Variants in PTPRG observed in about 807,000 individuals in gnomAD.
PTPRG encodes the protein protein tyrosine phosphatase receptor type G.
Under a neutral mutation model 165.3 loss-of-function variants are expected in PTPRG, and 102 were observed. The observed-to-expected ratio is 0.62, with a 90% confidence interval of 0.53 to 0.73. The LOEUF is 0.73. PTPRG is among the 30% of genes least tolerant of loss of function. PTPRG has a pLI of 0.00. For synonymous variants in PTPRG, 675 were observed against 669.5 expected (o/e 1.01, Z -0.13); for missense variants, 1,866 against 1,861.4 (o/e 1.00, Z -0.05).
At chr3:61,593,370 C>T (rs1700621003) in intron 1 of PTPRG, among the ~76,000 whole-genome samples, 1 of 147,966 alleles carries the variant, frequency 6.8e-6, no homozygotes. Context: ...TCAGCATTTC[C>T]TTTGTTAGCT....
At chr3:61,630,485 C>G (rs1007298747) in intron 1 of PTPRG, among the ~76,000 whole-genome samples, 3 of 151,930 alleles carry the variant, frequency 2.0e-5, no homozygotes, top group African/African-American at 7.3e-5. Context: ...GACTTTTTTC[C>G]CAAGTAAAAG....
chr3:61,910,101 C>G (rs189378239), intron 2 of PTPRG, among the ~76,000 whole-genome samples: 6 of 152,164 alleles, frequency 3.9e-5, no homozygotes, highest in African/African-American at 1.4e-4. Context: ...TCTCATTATG[C>G]TGTTATGCAT....
At chr3:62,263,677 C>G (rs1360069769) in intron 17 of PTPRG, 3 of 152,202 alleles carry the variant, frequency 2.0e-5, no homozygotes, top group East Asian at 1.9e-4. Flanking sequence ...ATAATGTTTT[C>G]TTAAAGTTTT....
At chr3:61,570,108 G>A (rs1700022597) in intron 1 of PTPRG, among the ~76,000 whole-genome samples, 1 of 152,180 alleles carries the variant, frequency 6.6e-6, no homozygotes, top group Non-Finnish European at 1.5e-5. Flanking sequence ...CTGATGGGAA[G>A]CAAACAGTAG....
At chr3:62,057,853 A>G (rs1700683147) in intron 4 of PTPRG, among the ~76,000 whole-genome samples, 1 of 152,242 alleles carries the variant, frequency 6.6e-6, no homozygotes, top group African/African-American at 2.4e-5. Context: ...GTGCTCCCAG[A>G]CTGGGAACAA....
intron 2 of PTPRG, among the ~76,000 whole-genome samples, chr3:61,986,427 C>T (rs999655404): frequency 5.3e-5 from 8 of 152,180 alleles, no homozygotes; most frequent in African/African-American, 1.9e-4. Flanking sequence ...CACGAAGGGA[C>T]GTTTACCCTG....
At chr3:61,676,770 C>T (rs773300574) in intron 1 of PTPRG, among the ~76,000 whole-genome samples, 1 of 152,052 alleles carries the variant, frequency 6.6e-6, no homozygotes, top group Non-Finnish European at 1.5e-5. Flanking sequence ...ATAGGCCTTC[C>T]TCTCATCAGG....
At chr3:61,903,642 G>C (rs1164324010) in intron 2 of PTPRG, among the ~76,000 whole-genome samples, 1 of 152,176 alleles carries the variant, frequency 6.6e-6, no homozygotes, top group Non-Finnish European at 1.5e-5. Flanking sequence ...CCAAAGTGCT[G>C]GGGTTAATTG....
intron 4 of PTPRG, among the ~76,000 whole-genome samples, chr3:62,004,953 AGCTCCTCAG>A (rs1478675685): frequency 4.6e-5 from 7 of 152,148 alleles, no homozygotes; most frequent in African/African-American, 1.4e-4. Flanking sequence ...CATTCTCCCT[AGCTCCTCAG>A]GCCCATTTTT....
At chr3:62,170,504 C>A (rs2106742296) in intron 8 of PTPRG, among the ~76,000 whole-genome samples, 1 of 152,120 alleles carries the variant, frequency 6.6e-6, no homozygotes, top group African/African-American at 2.4e-5. Flanking sequence ...AAATGCATGG[C>A]CTTTATTATC....
At chr3:61,679,144 G>C (rs1703338687) in intron 1 of PTPRG, among the ~76,000 whole-genome samples, 1 of 152,182 alleles carries the variant, frequency 6.6e-6, no homozygotes. Context: ...CTCAGGGATG[G>C]CTGTACATAC....
chr3:62,058,525 C>G (rs576275904), intron 4 of PTPRG, among the ~76,000 whole-genome samples: 13 of 152,038 alleles, frequency 8.6e-5, no homozygotes, highest in African/African-American at 2.9e-4. Context: ...CCCCCTCCCC[C>G]TCATACACAC....
intron 1 of PTPRG, among the ~76,000 whole-genome samples, chr3:61,721,364 C>A (rs1185862722): frequency 6.6e-6 from 1 of 152,136 alleles, no homozygotes; most frequent in African/African-American, 2.4e-5. Context: ...GTTACAGGTG[C>A]CTCCAGTAGA....
At chr3:62,160,557 C>T (rs539672923) in intron 7 of PTPRG, among the ~76,000 whole-genome samples, 35 of 152,204 alleles carry the variant, frequency 2.3e-4, no homozygotes, top group Admixed American at 1.4e-3. Context: ...TCAGAGGAGC[C>T]GGACAACACA....
intron 3 of PTPRG, among the ~76,000 whole-genome samples, chr3:61,999,778 A>G (rs2041127192): frequency 6.6e-6 from 1 of 152,216 alleles, no homozygotes; most frequent in Admixed American, 6.5e-5. Context: ...ATAATCTACA[A>G]AAATAAATCA....
At chr3:62,116,339 G>A in intron 5 of PTPRG, among the ~76,000 whole-genome samples, 1 of 152,114 alleles carries the variant, frequency 6.6e-6, no homozygotes, top group East Asian at 1.9e-4. Flanking sequence ...ACCCTACTCT[G>A]ATGTGCTTTA....
chr3:62,267,357 C>A, intron 17 of PTPRG, 53 bp from the exon 18 acceptor site: 2 of 1,310,056 alleles, frequency 1.5e-6, no homozygotes, highest in Non-Finnish European at 1.1e-6. Context: ...TAGAATGGTG[C>A]TAGTTTCTGA....
intron 2 of PTPRG, among the ~76,000 whole-genome samples, chr3:61,754,961 C>G (rs1361923787): frequency 1.3e-5 from 2 of 151,892 alleles, no homozygotes; most frequent in Non-Finnish European, 2.9e-5. Context: ...TAGAGACATT[C>G]TCTTCCTAAT....
At chr3:62,116,924 T>G (rs1702888445) in intron 5 of PTPRG, among the ~76,000 whole-genome samples, 1 of 152,204 alleles carries the variant, frequency 6.6e-6, no homozygotes, top group Admixed American at 6.5e-5. Flanking sequence ...GACCTGACAG[T>G]CTTGAGGAGC....
Sources: allele counts gnomAD v4.1 joint callset (sites outside exome capture counted in the v4.1 genomes callset), GRCh38; gene constraint gnomAD v4.1.1; transcripts MANE v1.5; gene names NCBI Gene and HGNC (gene_info 2026-07-23, HGNC 2026-07-21).